Variants in RALGPS2 observed in about 807,000 individuals in gnomAD.
RALGPS2 encodes Ral GEF with PH domain and SH3 binding motif 2.
Under a neutral mutation model 86.8 loss-of-function variants are expected in RALGPS2, and 43 were observed. That is an observed-to-expected ratio of 0.50 (90% confidence interval 0.39 to 0.64). The LOEUF (loss-of-function observed/expected upper bound fraction) is 0.64, where lower values mean the gene tolerates loss of function less well. Ranked by LOEUF, RALGPS2 falls within the 30% of genes least tolerant of loss-of-function variation. The pLI, the probability that RALGPS2 is intolerant of heterozygous loss-of-function variation, is 0.00. For synonymous variants in RALGPS2, 243 were observed against 231.3 expected, an observed-to-expected ratio of 1.05 and a Z score of -0.46; for missense variants, 536 against 694.6, an observed-to-expected ratio of 0.77 and a Z score of 2.57.
At position 178,895,805 on chromosome 1, in the gene RALGPS2, A is replaced by C. The variant is rs146309903; in HGVS notation, c.1431+1781A>C. 3.0e-3 allele frequency among the ~76,000 whole-genome samples: 461 copies of C among 152,134 alleles called. 2 individuals carry two copies. Among genetic ancestry groups the C allele is most frequent in the African/African-American group, 0.011 (441 of 41,544 alleles). On this transcript the variant is annotated intron_variant, in intron 16 of 19. Coordinates refer to ENST00000367635, the MANE Select transcript of RALGPS2 (RefSeq NM_152663.5). ...GGGCAGGTCAGTCTTGGCCAAGTTC[A>C]GTTTGATATGCTTATTAAACATTCA...
chr1:178,885,004 A>C, intron 11 of RALGPS2, 72 bp from the exon 12 acceptor site: 1 of 1,440,036 alleles, frequency 6.9e-7, no homozygotes, highest in Non-Finnish European at 9.3e-7. Context: ...TTTGAACCAC[A>C]TTTAATATTT....
rs1389609704 is a variant in RALGPS2, at chr1:178,886,094, C to T, written c.1166C>T (p.Ser389Phe). ...CCATCTCGAGGCCAAGCTGAAAGTT[C>T]TACTCTTTCTAGTGGAATATCAATA... Reference protein sequence around the residue: ...HAPSRGQAESSTLSSGISIGS... With the variant: ...HAPSRGQAESFTLSSGISIGS... The change falls in exon 13 of 20, where the codon TCT (serine) becomes TTT (phenylalanine). Residue 389 changes from serine to phenylalanine, a missense_variant. Physicochemically the swap from Ser to Phe is radical, Grantham distance 155. This residue lies in a region of RALGPS2 where 309 missense variants were observed against 363.0 expected (regional missense o/e 0.85). Transcript: ENST00000367635. The T allele has an allele frequency of 6.2e-7, 1 of 1,612,672 alleles. No individual in the cohort carries two copies. The highest frequency in any genetic ancestry group is 8.5e-7 in the Non-Finnish European group (1 of 1,179,676).
At chr1:178,914,111 C>T (rs529352312) in intron 19 of RALGPS2, among the ~76,000 whole-genome samples, 5 of 152,294 alleles carry the variant, frequency 3.3e-5, no homozygotes, top group South Asian at 2.1e-4. Context: ...AGCTCAGACT[C>T]ACCCCAGTCC....
At chr1:178,857,761 A>G (rs1258531716) in intron 8 of RALGPS2, among the ~76,000 whole-genome samples, 1 of 152,170 alleles carries the variant, frequency 6.6e-6, no homozygotes, top group Non-Finnish European at 1.5e-5. Context: ...ACATTTAAGT[A>G]TATATTCAAA....
intron 6 of RALGPS2, among the ~76,000 whole-genome samples, chr1:178,814,479 AG>A (rs1204647075): frequency 6.6e-6 from 1 of 152,114 alleles, no homozygotes; most frequent in Non-Finnish European, 1.5e-5. Flanking sequence ...TCTGTCACCC[AG>A]GCTGAAGGCC....
chr1:178,852,754 G>C, intron 8 of RALGPS2: 1 of 1,613,890 alleles, frequency 6.2e-7, no homozygotes, highest in East Asian at 2.2e-5. Context: ...AGAATCCCCT[G>C]CATTTCCCTG....
chr1:178,888,698 C>T (rs1435851107), intron 13 of RALGPS2, among the ~76,000 whole-genome samples: 2 of 152,116 alleles, frequency 1.3e-5, no homozygotes, highest in African/African-American at 4.8e-5. Context: ...TGATTGTTAT[C>T]TCAGTTTATC....
chr1:178,921,408 T>C lies in RALGPS2; in HGVS notation c.*5049T>C, dbSNP rs555900424. The C allele has an allele frequency of 6.5e-4, 99 of 151,788 alleles. 1 individual carries two copies. The highest frequency in any genetic ancestry group is 2.3e-3 in the African/African-American group (97 of 41,438). The allele number at this position is 151,788 out of a possible 1,614,324, so 9.4% of individuals were successfully genotyped here. On this transcript the variant is annotated 3_prime_UTR_variant, in exon 20 of 20. Transcript: ENST00000367635. ...TATAGTCCAATAATTACTGACTTAA[T>C]AGGTATGGTAAAATAGCTGATAATA...
intron 1 of RALGPS2, among the ~76,000 whole-genome samples, chr1:178,765,150 C>G (rs575972936): frequency 6.6e-6 from 1 of 151,620 alleles, no homozygotes; most frequent in East Asian, 1.9e-4. Context: ...TACCCAGTCT[C>G]AGGTATGTCT....
At chr1:178,863,762 G>GA (rs987633284) in intron 8 of RALGPS2, among the ~76,000 whole-genome samples, 4 of 152,290 alleles carry the variant, frequency 2.6e-5, no homozygotes, top group Admixed American at 2.6e-4. Context: ...AGATGCCAGT[G>GA]AAGGACCTAA....
At chr1:178,772,072 T>A (rs1437028542) in intron 1 of RALGPS2, among the ~76,000 whole-genome samples, 3 of 152,208 alleles carry the variant, frequency 2.0e-5, no homozygotes, top group African/African-American at 7.2e-5. Flanking sequence ...CACTGCCATG[T>A]TGTTTTTCTG....
intron 2 of RALGPS2, among the ~76,000 whole-genome samples, chr1:178,777,822 G>A (rs1217353992): frequency 6.7e-6 from 1 of 149,968 alleles, no homozygotes; most frequent in Non-Finnish European, 1.5e-5. Flanking sequence ...AATGGTGCTG[G>A]GAAAACTGGC....
At chr1:178,749,390 G>A (rs776879623) in intron 1 of RALGPS2, among the ~76,000 whole-genome samples, 6 of 152,166 alleles carry the variant, frequency 3.9e-5, no homozygotes, top group Non-Finnish European at 7.3e-5. Context: ...GGAGGCTGAG[G>A]CAGGAGAATC....
intron 6 of RALGPS2, among the ~76,000 whole-genome samples, chr1:178,818,552 C>T (rs903076525): frequency 6.6e-5 from 10 of 152,186 alleles, no homozygotes; most frequent in African/African-American, 2.4e-4. Context: ...AGAGATCTCT[C>T]TCTGCTTTCT....
chr1:178,771,030 G>A (rs1488275374), intron 1 of RALGPS2, among the ~76,000 whole-genome samples: 1 of 150,000 alleles, frequency 6.7e-6, no homozygotes, highest in African/African-American at 2.4e-5. Context: ...GTGGAGACGG[G>A]GTTTCACCAT....
intron 19 of RALGPS2, among the ~76,000 whole-genome samples, chr1:178,913,845 G>A (rs536374682): frequency 7.2e-5 from 11 of 152,170 alleles, no homozygotes; most frequent in Non-Finnish European, 1.5e-4. Flanking sequence ...GTCGACCACC[G>A]GCTGCACTGG....
At chr1:178,746,506 T>C (rs1401297199) in intron 1 of RALGPS2, among the ~76,000 whole-genome samples, 1 of 152,204 alleles carries the variant, frequency 6.6e-6, no homozygotes, top group Non-Finnish European at 1.5e-5. Flanking sequence ...TGCAAGGTCT[T>C]AGCTGGTGGA....
chr1:178,883,321 G>A (rs969825571), intron 10 of RALGPS2, 145 bp from the exon 11 acceptor site: 5 of 607,784 alleles, frequency 8.2e-6, no homozygotes. Flanking sequence ...TTAAAAAGAA[G>A]AAGATTGCTC....
At position 178,917,915 on chromosome 1, in the gene RALGPS2, C is replaced by T. The variant is rs1375156495; in HGVS notation, c.*1556C>T. 2 of 152,044 alleles carry T rather than the reference C, an allele frequency of 1.3e-5. No homozygotes were observed. Among genetic ancestry groups the T allele is most frequent in the African/African-American group, 4.8e-5 (2 of 41,418 alleles). 9.4% of individuals were successfully genotyped at this position (152,044 alleles called of 1,614,324 possible). A position where few individuals can be genotyped will look rare whatever the true frequency, so the allele number is the denominator to read the frequency against. On this transcript the variant is annotated 3_prime_UTR_variant, in exon 20 of 20. Transcript: ENST00000367635. ...GGCCTCACATAAAATTTCTCACATT[C>T]GTATTCTTAGAGAATTTTATACTTT...
Sources: allele counts gnomAD v4.1 joint callset (sites outside exome capture counted in the v4.1 genomes callset), GRCh38; gene constraint gnomAD v4.1.1; regional missense constraint gnomAD v4.1.1; transcripts MANE v1.5; gene names NCBI Gene and HGNC (gene_info 2026-07-23, HGNC 2026-07-21).